RFTN2: variants seen among roughly 807,000 people sequenced by gnomAD.
RFTN2 encodes raftlin family member 2.
A neutral mutation model predicts 52.7 loss-of-function variants in RFTN2; 34 were observed. That is an observed-to-expected ratio of 0.64 (90% CI 0.49 to 0.86). The LOEUF (loss-of-function observed/expected upper bound fraction) is 0.86, where lower values mean the gene tolerates loss of function less well. Ranked by LOEUF, RFTN2 falls within the 40% of genes least tolerant of loss-of-function variation. RFTN2 has a pLI of 0.00. For missense variants in RFTN2, 536 were observed against 600.1 expected, an observed-to-expected ratio of 0.89 and a Z score of 1.12; for synonymous variants, 203 against 217.7, an observed-to-expected ratio of 0.93 and a Z score of 0.59.
intron 8 of RFTN2, among the ~76,000 whole-genome samples, chr2:197,582,151 A>G (rs1254373773): frequency 6.6e-6 from 1 of 152,182 alleles, no homozygotes; most frequent in Admixed American, 6.5e-5. Flanking sequence ...TTGCCCTAAT[A>G]CTTTTAGAGG....
At chr2:197,626,411 A>T (rs1275744996) in intron 5 of RFTN2, among the ~76,000 whole-genome samples, 4 of 151,828 alleles carry the variant, frequency 2.6e-5, no homozygotes, top group Non-Finnish European at 2.9e-5. Context: ...AAAAAAATTT[A>T]AAAAATTAGC....
intron 8 of RFTN2, among the ~76,000 whole-genome samples, chr2:197,577,059 C>T (rs2087430923): frequency 6.6e-6 from 1 of 152,192 alleles, no homozygotes; most frequent in Non-Finnish European, 1.5e-5. Context: ...TTTCTCTTAT[C>T]TACCCCTGCT....
At chr2:197,611,976 A>G (rs1405943510) in intron 7 of RFTN2, among the ~76,000 whole-genome samples, 1 of 152,148 alleles carries the variant, frequency 6.6e-6, no homozygotes, top group East Asian at 1.9e-4. Flanking sequence ...GGTCTGAGAG[A>G]CAGTTTGTTG....
chr2:197,572,359 T>C, intron 8 of RFTN2, 79 bp from the exon 9 acceptor site: 1 of 1,396,776 alleles, frequency 7.2e-7, no homozygotes, highest in East Asian at 2.3e-5. Flanking sequence ...ACATGCTGCC[T>C]TTCTGCCTCC....
At chr2:197,659,080 G>T (rs1339849248) in intron 1 of RFTN2, among the ~76,000 whole-genome samples, 3 of 152,028 alleles carry the variant, frequency 2.0e-5, no homozygotes, top group Non-Finnish European at 1.5e-5. Context: ...ATATATTAAA[G>T]CTAAGACTTT....
At chr2:197,592,018 G>A (rs1048462399) in intron 8 of RFTN2, among the ~76,000 whole-genome samples, 4 of 152,160 alleles carry the variant, frequency 2.6e-5, no homozygotes, top group East Asian at 1.9e-4. Context: ...GTGCAGCGGC[G>A]GGCTGAAGGG....
At chr2:197,652,868 A>G (rs7603283) in intron 1 of RFTN2, among the ~76,000 whole-genome samples, 28,427 of 152,054 alleles carry the variant, frequency 0.19, 2,781 homozygotes, top group Middle Eastern at 0.27. Flanking sequence ...ATTTTCACTG[A>G]AGGGGGCAGG....
At chr2:197,576,238 C>A (rs533842950) in intron 8 of RFTN2, among the ~76,000 whole-genome samples, 2 of 152,186 alleles carry the variant, frequency 1.3e-5, no homozygotes, top group Non-Finnish European at 2.9e-5. Context: ...AACTCCTGAC[C>A]TCAGCATTTT....
At chr2:197,617,010 G>A (rs1258718855) in intron 6 of RFTN2, among the ~76,000 whole-genome samples, 15 of 152,182 alleles carry the variant, frequency 9.9e-5, no homozygotes. Flanking sequence ...AATTCAGGGT[G>A]CACAACATCA....
At chr2:197,664,725 CA>C (rs2089027045) in intron 1 of RFTN2, among the ~76,000 whole-genome samples, 1 of 152,190 alleles carries the variant, frequency 6.6e-6, no homozygotes, top group South Asian at 2.1e-4. Context: ...GTCAAGGTTG[CA>C]GTGATCCATG....
chr2:197,674,355 A>AAG (rs2089187646), intron 1 of RFTN2, among the ~76,000 whole-genome samples: 1 of 150,054 alleles, frequency 6.7e-6, no homozygotes. Flanking sequence ...AAAAAAAAAA[A>AAG]AAAAAAAAGA....
At chr2:197,634,517 A>G (rs1421124275) in intron 3 of RFTN2, among the ~76,000 whole-genome samples, 1 of 152,084 alleles carries the variant, frequency 6.6e-6, no homozygotes, top group Non-Finnish European at 1.5e-5. Flanking sequence ...AGCCCAATTT[A>G]TACCACTACT....
At chr2:197,584,279 C>T (rs2087561894) in intron 8 of RFTN2, among the ~76,000 whole-genome samples, 1 of 152,178 alleles carries the variant, frequency 6.6e-6, no homozygotes, top group East Asian at 1.9e-4. Flanking sequence ...CACATCCTCT[C>T]CAGCACCTGT....
chr2:197,570,765 T>G lies in RFTN2; in HGVS notation c.*1243A>C, dbSNP rs2087303294. On this transcript the variant is annotated 3_prime_UTR_variant, in exon 9 of 9. Coordinates refer to ENST00000295049, the MANE Select transcript of RFTN2 (RefSeq NM_144629.3). ...ACAAAAAACCCCCAAACCAAACATATTATATGAATATTTGTGTTCAATAAA... is the reference window on the plus strand; with the variant it reads ...ACAAAAAACCCCCAAACCAAACATAGTATATGAATATTTGTGTTCAATAAA... 6.6e-6 allele frequency: 1 copy of G among 152,154 alleles called. No homozygotes were observed. The highest frequency in any genetic ancestry group is 2.4e-5 in the African/African-American group (1 of 41,446). 9.4% of individuals were successfully genotyped at this position (152,154 alleles called of 1,614,324 possible).
At position 197,587,221 on chromosome 2, in the gene RFTN2, G is replaced by A. The variant is rs573008788; in HGVS notation, c.1233+8770C>T. Among the ~76,000 whole-genome samples, 12 of 151,984 alleles carry A rather than the reference G, an allele frequency of 7.9e-5. No homozygotes were observed. The South Asian group carries it at 2.3e-3, about 29-fold the overall frequency. On this transcript the variant is annotated intron_variant, in intron 8 of 8. Coordinates refer to ENST00000295049, the MANE Select transcript of RFTN2 (RefSeq NM_144629.3). Reference sequence around the variant, plus strand: ...GACCTCTGCTACTCTAGGTTCCCACGCTGCCCCTAATCCTGCTTGAAGCAG... The same window carrying A: ...GACCTCTGCTACTCTAGGTTCCCACACTGCCCCTAATCCTGCTTGAAGCAG...
intron 8 of RFTN2, among the ~76,000 whole-genome samples, chr2:197,593,624 G>A (rs2087750496): frequency 6.6e-6 from 1 of 152,002 alleles, no homozygotes; most frequent in South Asian, 2.1e-4. Flanking sequence ...TGTGGTGGCT[G>A]ACACCTGCAA....
chr2:197,641,872 G>C (rs74381635), intron 3 of RFTN2, among the ~76,000 whole-genome samples: 1 of 152,152 alleles, frequency 6.6e-6, no homozygotes. Context: ...AAATAACCCT[G>C]TTGCTCTAAT....
intron 5 of RFTN2, among the ~76,000 whole-genome samples, chr2:197,620,752 C>T (rs1443564519): frequency 5.3e-5 from 8 of 152,076 alleles, no homozygotes; most frequent in Non-Finnish European, 7.3e-5. Context: ...AGATCACCTG[C>T]GGTAGGGAGT....
chr2:197,663,005 G>T (rs914067938), intron 1 of RFTN2, among the ~76,000 whole-genome samples: 1 of 152,050 alleles, frequency 6.6e-6, no homozygotes, highest in African/African-American at 2.4e-5. Context: ...TTATTTTGTA[G>T]TATGTTCCTT....
Sources: allele counts gnomAD v4.1 joint callset (sites outside exome capture counted in the v4.1 genomes callset), GRCh38; gene constraint gnomAD v4.1.1; transcripts MANE v1.5; gene names NCBI Gene and HGNC (gene_info 2026-07-23, HGNC 2026-07-21).